The following KIF26B variants were observed in gnomAD, a reference collection of about 807,000 sequenced individuals.
The protein encoded by KIF26B is kinesin family member 26B, also known as kinesin-like protein KIF26B.
A neutral mutation model predicts 151.2 loss-of-function variants in KIF26B; 63 were observed. The observed-to-expected ratio is 0.42, with a 90% confidence interval of 0.34 to 0.51. KIF26B has a LOEUF of 0.51. Ranked by LOEUF, KIF26B falls within the 20% of genes least tolerant of loss-of-function variation. The pLI is 0.07. For synonymous variants in KIF26B, 1,357 were observed against 1,262.1 expected, an observed-to-expected ratio of 1.08 and a Z score of -1.59; for missense variants, 2,813 against 2,913.6, an observed-to-expected ratio of 0.97 and a Z score of 0.79.
intron 3 of KIF26B, among the ~76,000 whole-genome samples, chr1:245,383,814 A>G (rs562570194): frequency 2.6e-5 from 4 of 152,260 alleles, no homozygotes; most frequent in African/African-American, 9.6e-5. Context: ...GTCCACTAAT[A>G]AGTGTCATTT....
chr1:245,562,094 C>G (rs139458900), intron 5 of KIF26B, among the ~76,000 whole-genome samples: 1,752 of 152,252 alleles, frequency 0.012, 28 homozygotes, highest in Middle Eastern at 0.034. Flanking sequence ...TACTCGTCCT[C>G]CAGCCGTACT....
intron 2 of KIF26B, among the ~76,000 whole-genome samples, chr1:245,356,678 T>G (rs540220783): frequency 1.3e-5 from 2 of 152,266 alleles, no homozygotes; most frequent in African/African-American, 4.8e-5. Flanking sequence ...TCTGTGTGCC[T>G]ACTTGACTTC....
intron 2 of KIF26B, among the ~76,000 whole-genome samples, chr1:245,342,298 G>C (rs1672350929): frequency 6.6e-6 from 1 of 152,222 alleles, no homozygotes; most frequent in South Asian, 2.1e-4. Flanking sequence ...AGATGAAGAA[G>C]TGAGCCGCGT....
At chr1:245,424,993 C>T (rs1298665711) in intron 4 of KIF26B, among the ~76,000 whole-genome samples, 3 of 151,540 alleles carry the variant, frequency 2.0e-5, no homozygotes, top group Admixed American at 6.6e-5. Flanking sequence ...GAAAAGAGAT[C>T]GAGACAACTG....
At position 245,686,601 on chromosome 1, in the gene KIF26B, C is replaced by T. The variant is rs1167897673; in HGVS notation, c.3618C>T (p.Arg1206=). 3 of 1,611,506 alleles carry T rather than the reference C, an allele frequency of 1.9e-6. No individual in the cohort carries two copies. Among genetic ancestry groups the T allele is most frequent in the East Asian group, 2.2e-5 (1 of 44,800 alleles). Residue 1206 remains arginine, a synonymous_variant, in exon 12 of 15, where the codon CGC becomes CGT. Coordinates refer to ENST00000407071, the MANE Select transcript of KIF26B (RefSeq NM_018012.4). The surrounding 1 kb of genome is among the most constrained non-coding windows in gnomAD (Gnocchi z 5.6). ...TCAGCGGGGTCCTGGACAGCGGCCG[C>T]CCCACCAGCATCATCAGCTTCAACA... ...LTISGVLDSG[R]PTSIISFNSD...
In KIF26B at chr1:245,687,201, G is replaced by A. The variant is rs1438800891; in HGVS notation, c.4218G>A (p.Glu1406=). ...CIAMSPRNIQ[E]PEAPTATPKA... ...CCATGAGCCCCCGGAACATCCAAGAGCCGGAGGCCCCCACCGCCACCCCCA... is the reference window on the plus strand; with the variant it reads ...CCATGAGCCCCCGGAACATCCAAGAACCGGAGGCCCCCACCGCCACCCCCA... Residue 1406 remains glutamate, a synonymous_variant, in exon 12 of 15, where the codon GAG becomes GAA. Transcript: ENST00000407071. This position sits in a 1 kb window ranked among gnomAD's most constrained non-coding sequence, Gnocchi z 4.9. The A allele has an allele frequency of 1.9e-6, 3 of 1,612,864 alleles. No homozygotes were observed. Among genetic ancestry groups the A allele is most frequent in the African/African-American group, 1.3e-5 (1 of 74,984 alleles).
rs1381083352 is a variant in KIF26B, at chr1:245,707,797, G to A, written c.*5191G>A. The A allele has an allele frequency of 2.0e-5, 3 of 152,100 alleles. No homozygotes were observed. Among genetic ancestry groups the A allele is most frequent in the African/African-American group, 7.2e-5 (3 of 41,394 alleles). The allele number at this position is 152,100 out of a possible 1,614,324, so 9.4% of individuals were successfully genotyped here. ...TTTGAATTTGATGAGAATGGGCTTG[G>A]AAATCCACGCCCACCGGCTTGCACG... On this transcript the variant is annotated 3_prime_UTR_variant, in exon 15 of 15. Coordinates refer to ENST00000407071, the MANE Select transcript of KIF26B (RefSeq NM_018012.4).
chr1:245,177,192 C>A (rs1350284545), intron 2 of KIF26B, among the ~76,000 whole-genome samples: 1 of 152,176 alleles, frequency 6.6e-6, no homozygotes, highest in African/African-American at 2.4e-5. Context: ...TGGCCTCACG[C>A]CTCCTGCCTT....
chr1:245,264,851 C>A (rs755645230), intron 2 of KIF26B, among the ~76,000 whole-genome samples: 1 of 150,578 alleles, frequency 6.6e-6, no homozygotes, highest in African/African-American at 2.5e-5. Flanking sequence ...CGAGATCGAG[C>A]GACTGCACTC....
chr1:245,350,752 C>T (rs1246216691), intron 2 of KIF26B, among the ~76,000 whole-genome samples: 1 of 152,164 alleles, frequency 6.6e-6, no homozygotes, highest in East Asian at 1.9e-4. Flanking sequence ...CAGGAGGAAC[C>T]ACCAGACCTG....
chr1:245,411,799 T>A (rs1289911816), intron 3 of KIF26B, among the ~76,000 whole-genome samples: 1 of 151,630 alleles, frequency 6.6e-6, no homozygotes, highest in African/African-American at 2.4e-5. Flanking sequence ...AGGGACATAA[T>A]TTTTTTTTCT....
At chr1:245,184,434 G>A (rs911968971) in intron 2 of KIF26B, among the ~76,000 whole-genome samples, 1 of 152,104 alleles carries the variant, frequency 6.6e-6, no homozygotes, top group African/African-American at 2.4e-5. Context: ...GCGTTTGTGT[G>A]TACACATGTG....
chr1:245,477,474 G>A (rs1387605122), intron 4 of KIF26B, among the ~76,000 whole-genome samples: 2 of 151,764 alleles, frequency 1.3e-5, no homozygotes, highest in Non-Finnish European at 2.9e-5. Context: ...AGTCAATCCT[G>A]TGGCAGATTG....
At position 245,602,683 on chromosome 1, in the gene KIF26B, C is replaced by T. The variant is rs750881727; in HGVS notation, c.1457C>T (p.Pro486Leu). The change falls in exon 6 of 15, where the codon CCC becomes CTC. Residue 486 changes from proline to leucine, a missense_variant. Physicochemically the swap from Pro to Leu is moderately conservative, Grantham distance 98. Around this residue, in one of 3 missense-constraint regions of KIF26B, gnomAD observed 676 missense variants for 688.1 expected, o/e 0.98. Coordinates refer to ENST00000407071, the MANE Select transcript of KIF26B (RefSeq NM_018012.4). This position sits in a 1 kb window ranked among gnomAD's most constrained non-coding sequence, Gnocchi z 4.5. Reference sequence around the variant, plus strand: ...AAGAAGCAGATCACCTTGTACGATCCCCTGACTTGTGGAGGTCAAAATGCC... The same window carrying T: ...AAGAAGCAGATCACCTTGTACGATCTCCTGACTTGTGGAGGTCAAAATGCC... ...PRKKQITLYD[P>L]LTCGGQNAFQ... The T allele has an allele frequency of 6.2e-7, 1 of 1,613,994 alleles. No homozygotes were observed. The highest frequency in any genetic ancestry group is 1.1e-5 in the South Asian group (1 of 91,084).
Position 245,550,845 on chromosome 1 carries a change from A to C in KIF26B, c.1350+9895A>C, listed in dbSNP as rs544932728. On this transcript the variant is annotated intron_variant, in intron 5 of 14. Transcript: ENST00000407071. ...AGGAAGCCCAGAAGAGTTTACAACA[A>C]TGGAAACTCTCAGGTTTCTACAGGA... Among the ~76,000 whole-genome samples, 6 of 152,290 alleles carry C rather than the reference A, an allele frequency of 3.9e-5. No individual in the cohort carries two copies. The South Asian group carries it at 1.2e-3, about 32-fold the overall frequency.
intron 2 of KIF26B, among the ~76,000 whole-genome samples, chr1:245,201,422 T>C (rs1442024395): frequency 6.6e-6 from 1 of 152,248 alleles, no homozygotes; most frequent in East Asian, 1.9e-4. Context: ...GACTGCGTTC[T>C]GAATGCTTAG....
intron 9 of KIF26B, among the ~76,000 whole-genome samples, chr1:245,617,453 T>C (rs1173774039): frequency 1.3e-5 from 2 of 152,192 alleles, no homozygotes; most frequent in African/African-American, 4.8e-5. Context: ...AATCAACTAA[T>C]GCTGTATTTA....
intron 4 of KIF26B, among the ~76,000 whole-genome samples, chr1:245,434,875 T>C (rs1222964702): frequency 6.6e-6 from 1 of 152,088 alleles, no homozygotes; most frequent in Non-Finnish European, 1.5e-5. Context: ...GGCTGTTACC[T>C]AGAGTCACCT....
At chr1:245,652,106 G>GTGTT (rs2044023214) in intron 10 of KIF26B, among the ~76,000 whole-genome samples, 1 of 47,274 alleles carries the variant, frequency 2.1e-5, no homozygotes, top group Non-Finnish European at 6.0e-5. Flanking sequence ...AAGAATCTGT[G>GTGTT]TGTGTGTGTG....
Sources: allele counts gnomAD v4.1 joint callset (sites outside exome capture counted in the v4.1 genomes callset), GRCh38; gene constraint gnomAD v4.1.1; regional missense constraint gnomAD v4.1.1; non-coding constraint Gnocchi (gnomAD v3.1); transcripts MANE v1.5; gene names NCBI Gene and HGNC (gene_info 2026-07-23, HGNC 2026-07-21).